The following VGLL4 variants were observed in gnomAD, a reference collection of about 807,000 sequenced individuals.
The protein encoded by VGLL4 is transcription cofactor vestigial-like protein 4.
A neutral mutation model predicts 21.0 loss-of-function variants in VGLL4; 7 were observed. The ratio of observed to expected loss-of-function variants is 0.33; its 90% CI spans 0.19 to 0.63. VGLL4 has a LOEUF of 0.63. VGLL4 is among the 20% of genes least tolerant of loss of function. The pLI is 0.78. For missense variants in VGLL4, 394 were observed against 425.7 expected (o/e 0.93, Z 0.66); for synonymous variants, 222 against 173.2 (o/e 1.28, Z -2.21).
In VGLL4 at chr3:11,558,616, C is replaced by A. The variant is rs1347991318; in HGVS notation, c.831G>T (p.Gln277His). ...SSPESASRRG[Q>H]PASPSAHMVS... ...CCATGTGGGCAGAGGGGCTGGCGGG[C>A]TGGCCCCTGCGAGAGGCGGACTCAG... is the stretch of plus-strand genomic sequence containing the variant. The change falls in exon 5 of 5, where the codon CAG (glutamine) becomes CAT (histidine). Residue 277 changes from glutamine to histidine, a missense_variant. Gln to His is a conservative substitution (Grantham distance 24). Coordinates refer to ENST00000430365, the MANE Select transcript of VGLL4 (RefSeq NM_001128219.3). 6.2e-7 allele frequency: 1 copy of A among 1,607,624 alleles called. No individual in the cohort carries two copies. Among genetic ancestry groups the A allele is most frequent in the Admixed American group, 1.7e-5 (1 of 60,016 alleles).
At chr3:11,615,561 G>A (rs1357923980) in intron 1 of VGLL4, among the ~76,000 whole-genome samples, 1 of 152,230 alleles carries the variant, frequency 6.6e-6, no homozygotes, top group African/African-American at 2.4e-5. Context: ...TCCTTGCTCT[G>A]TTAGAAACAA....
chr3:11,632,395 C>G (rs962056583), intron 1 of VGLL4, among the ~76,000 whole-genome samples: 3 of 152,128 alleles, frequency 2.0e-5, no homozygotes, highest in Non-Finnish European at 4.4e-5. Context: ...CCAAGACGAA[C>G]CATTTCATCT....
At chr3:11,673,021 G>A (rs954359303) in intron 2 of VGLL4, among the ~76,000 whole-genome samples, 8 of 152,132 alleles carry the variant, frequency 5.3e-5, no homozygotes, top group African/African-American at 1.7e-4. Flanking sequence ...CCCAGCCACC[G>A]GACTGGGGGT....
intron 2 of VGLL4, among the ~76,000 whole-genome samples, chr3:11,674,317 G>T (rs975552107): frequency 1.3e-5 from 2 of 152,162 alleles, no homozygotes; most frequent in African/African-American, 2.4e-5. Context: ...TCCCCAGAAC[G>T]AACGCGAAGA....
intron 1 of VGLL4, among the ~76,000 whole-genome samples, chr3:11,627,970 A>G (rs2075390309): frequency 6.6e-6 from 1 of 152,242 alleles, no homozygotes; most frequent in South Asian, 2.1e-4. Context: ...GTTAACAGTA[A>G]AAGATTGCAT....
chr3:11,706,553 G>A (rs1403341779), intron 1 of VGLL4, among the ~76,000 whole-genome samples: 2 of 152,188 alleles, frequency 1.3e-5, no homozygotes, highest in Non-Finnish European at 2.9e-5. Flanking sequence ...GTCAGCTAAC[G>A]TGTTTGCCTT....
intron 1 of VGLL4, among the ~76,000 whole-genome samples, chr3:11,619,112 C>A (rs371943948): frequency 2.4e-4 from 37 of 152,328 alleles, no homozygotes; most frequent in East Asian, 2.3e-3. Flanking sequence ...GAAAACTGAG[C>A]TGATCAAAGG....
rs575897778 is a variant in VGLL4, at chr3:11,568,664, C to G, written c.273-3645G>C. 2 of 1,558,898 alleles carry G rather than the reference C, an allele frequency of 1.3e-6. No individual in the cohort carries two copies. Among genetic ancestry groups the G allele is most frequent in the Admixed American group, 3.8e-5 (2 of 52,258 alleles). On this transcript the variant is annotated intron_variant, in intron 2 of 4. Coordinates refer to ENST00000430365, the MANE Select transcript of VGLL4 (RefSeq NM_001128219.3). This position sits in a 1 kb window ranked among gnomAD's most constrained non-coding sequence, Gnocchi z 5.9. ...AAGACAGACATTGTTTTCCAGGCCC[C>G]GCTCGCCCGGATGAATCACCTCCCG... is the stretch of plus-strand genomic sequence containing the variant.
chr3:11,654,258 A>G (rs2075923224), intron 2 of VGLL4, among the ~76,000 whole-genome samples: 2 of 152,182 alleles, frequency 1.3e-5, no homozygotes. Flanking sequence ...TATTTTTCCT[A>G]GAGTTGAGGG....
chr3:11,624,465 C>T lies in VGLL4; in HGVS notation c.82+18972G>A, dbSNP rs141477704. Among the ~76,000 whole-genome samples, 743 of 152,270 alleles carry T rather than the reference C, an allele frequency of 4.9e-3. 9 individuals carry two copies. Among genetic ancestry groups the T allele is most frequent in the African/African-American group, 0.017 (701 of 41,552 alleles). ...CTCCTGCCAGCACTAACACGTGAAA[C>T]AGCTCAAGACCAGCTTTAGGAGGGC... On this transcript the variant is annotated intron_variant, in intron 1 of 4. Transcript: ENST00000430365.
chr3:11,703,546 GT>G (rs1189257550), intron 1 of VGLL4, among the ~76,000 whole-genome samples: 1 of 152,180 alleles, frequency 6.6e-6, no homozygotes, highest in Non-Finnish European at 1.5e-5. Context: ...AAAACGTCAT[GT>G]TTTGTATAAT....
At chr3:11,666,479 T>C (rs2076129037) in intron 2 of VGLL4, among the ~76,000 whole-genome samples, 1 of 151,816 alleles carries the variant, frequency 6.6e-6, no homozygotes, top group African/African-American at 2.4e-5. Context: ...AGAAAGGAGA[T>C]GGAGTTAGAA....
chr3:11,708,533 G>A (rs1401918705), intron 1 of VGLL4, among the ~76,000 whole-genome samples: 1 of 151,512 alleles, frequency 6.6e-6, no homozygotes, highest in African/African-American at 2.4e-5. Flanking sequence ...GGTCACGTGT[G>A]CCTGGAGGGC....
intron 2 of VGLL4, chr3:11,693,192 A>G: frequency 5.4e-6 from 1 of 183,942 alleles, no homozygotes; most frequent in Non-Finnish European, 1.2e-5. Context: ...AAGTAAATGA[A>G]AATGTTTTGT....
At position 11,573,323 on chromosome 3, in the gene VGLL4, GA is replaced by G. The variant is rs1559870316; in HGVS notation, c.273-8305del. On this transcript the variant is annotated intron_variant, in intron 2 of 4. Coordinates refer to ENST00000430365, the MANE Select transcript of VGLL4 (RefSeq NM_001128219.3). ...AGAAAGAAAGGAAGGAAGGAAGAAAGAAAGAAAGAAAGAAAGAAAGAAAGAA... is the reference window on the plus strand; with the variant it reads ...AGAAAGAAAGGAAGGAAGGAAGAAAGAAGAAAGAAAGAAAGAAAGAAAGAA... 1.6e-3 allele frequency among the ~76,000 whole-genome samples: 56 copies of G among 34,440 alleles called. 4 individuals carry two copies. Among genetic ancestry groups the G allele is most frequent in the Non-Finnish European group, 2.3e-3 (36 of 15,844 alleles). 22.6% of individuals were successfully genotyped at this position (34,440 alleles called of 152,430 possible).
rs1329776611 is a variant in VGLL4 at position 11,558,488 on chromosome 3, T to A, written c.*68A>T. On this transcript the variant is annotated 3_prime_UTR_variant, in exon 5 of 5. Transcript: ENST00000430365. ...CCCACCCCCATGATTTTTTTTTTTT[T>A]AAGTACTGACTGTTCAAAGCTCAGG... The A allele has an allele frequency of 1.6e-5, 23 of 1,483,450 alleles. No individual in the cohort carries two copies. Among genetic ancestry groups the A allele is most frequent in the Admixed American group, 4.3e-5 (2 of 46,992 alleles). 91.9% of individuals were successfully genotyped at this position (1,483,450 alleles called of 1,614,324 possible). A position where few individuals can be genotyped will look rare whatever the true frequency, so the allele number is the denominator to read the frequency against.
intron 1 of VGLL4, chr3:11,633,568 G>A (rs1167688143): frequency 6.6e-6 from 1 of 152,594 alleles, no homozygotes; most frequent in East Asian, 1.9e-4. Flanking sequence ...TACTCAGGAG[G>A]CTGAGGCAGA....
chr3:11,659,108 G>T (rs113655306), intron 2 of VGLL4, among the ~76,000 whole-genome samples: 4 of 152,174 alleles, frequency 2.6e-5, no homozygotes, highest in African/African-American at 9.6e-5. Flanking sequence ...AGCAAGCAAG[G>T]CATTCAAACA....
chr3:11,691,588 GGT>G (rs1199538332), intron 2 of VGLL4, among the ~76,000 whole-genome samples: 1 of 152,198 alleles, frequency 6.6e-6, no homozygotes, highest in Non-Finnish European at 1.5e-5. Context: ...AGAGCTGAGT[GGT>G]GGCTGCCCCT....
Sources: allele counts gnomAD v4.1 joint callset (sites outside exome capture counted in the v4.1 genomes callset), GRCh38; gene constraint gnomAD v4.1.1; non-coding constraint Gnocchi (gnomAD v3.1); transcripts MANE v1.5; gene names NCBI Gene and HGNC (gene_info 2026-07-23, HGNC 2026-07-21).